Variants in PRIM2 observed in about 807,000 individuals in gnomAD.
PRIM2 encodes DNA primase large subunit.
In PRIM2, 39 loss-of-function variants were observed where a neutral mutation model predicts 67.3. The ratio of observed to expected loss-of-function variants is 0.58; its 90% confidence interval spans 0.45 to 0.76. PRIM2 has a LOEUF of 0.76. Among genes scored for constraint, PRIM2 ranks in the 30% least tolerant of loss-of-function variants. The pLI is 0.00. For synonymous variants in PRIM2, 143 were observed against 198.7 expected (o/e 0.72, Z 2.36); for missense variants, 398 against 598.7 (o/e 0.66, Z 3.50).
At chr6:57,498,432 AT>A (rs1774054453) in intron 7 of PRIM2, among the ~76,000 whole-genome samples, 1 of 152,130 alleles carries the variant, frequency 6.6e-6, no homozygotes, top group African/African-American at 2.4e-5. Context: ...GTTCTTTGTC[AT>A]TTTACATAAT....
chr6:57,358,582 T>C (rs4445060), intron 5 of PRIM2, among the ~76,000 whole-genome samples: 1 of 152,224 alleles, frequency 6.6e-6, no homozygotes, highest in Admixed American at 6.5e-5. Flanking sequence ...GAAGCTTTCA[T>C]GTGGGTTTAA....
In PRIM2 at chr6:57,645,930, G is replaced by A. The variant is rs1227907603; in HGVS notation, c.1302G>A (p.Val434=). The A allele has an allele frequency of 8.5e-5, 128 of 1,505,500 alleles. No homozygotes were observed. Among genetic ancestry groups the A allele is most frequent in the Non-Finnish European group, 1.1e-4 (119 of 1,083,380 alleles). 93.3% of individuals were successfully genotyped at this position (1,505,500 alleles called of 1,614,324 possible). A position where few individuals can be genotyped will look rare whatever the true frequency, so the allele number is the denominator to read the frequency against. The part of the protein sequence containing the change: ...CQKYFEMIHN[V]DDCGFSLNHP... ...ATATAAATTTCCTTCCTTTACAGGT[G>A]GATGATTGTGGCTTTTCTTTGAATC... Residue 434 remains valine (V), a splice_region_variant and synonymous_variant, in exon 14 of 14, where the codon GTG becomes GTA. Transcript: ENST00000615550.
intron 7 of PRIM2, among the ~76,000 whole-genome samples, chr6:57,502,081 C>T (rs1774143524): frequency 1.3e-5 from 2 of 152,164 alleles, no homozygotes; most frequent in African/African-American, 4.8e-5. Flanking sequence ...GGAACTATGT[C>T]ATGGTCACTC....
intron 7 of PRIM2, among the ~76,000 whole-genome samples, chr6:57,391,439 C>T (rs559233175): frequency 2.6e-4 from 39 of 151,598 alleles, no homozygotes; most frequent in African/African-American, 9.2e-4. Context: ...AAATTTTTGC[C>T]CATTCCTATG....
the PRIM2 span, among the ~76,000 whole-genome samples, chr6:57,280,644 G>A: frequency 6.6e-6 from 1 of 151,998 alleles, no homozygotes; most frequent in Non-Finnish European, 1.5e-5. Context: ...TGAGTAGCTG[G>A]GATTACAGGC....
the PRIM2 span, among the ~76,000 whole-genome samples, chr6:57,222,972 G>C: frequency 6.6e-6 from 1 of 152,132 alleles, no homozygotes; most frequent in African/African-American, 2.4e-5. Context: ...CGAATACTTA[G>C]GGTGCACGGA....
In PRIM2 at chr6:57,351,771, C is replaced by T. The variant is rs373795077; in HGVS notation, c.459+25726C>T. ...AAATGTTAGGTTGAGTTCAGGAGAT[C>T]GTTGTTGAAAGTATATAATCACAAT... is the stretch of plus-strand genomic sequence containing the variant. On this transcript the variant is annotated intron_variant, in intron 5 of 13. Transcript: ENST00000615550. Among the ~76,000 whole-genome samples the T allele has an allele frequency of 6.6e-3, 996 of 151,966 alleles. 7 individuals carry two copies. Among genetic ancestry groups the T allele is most frequent in the Non-Finnish European group, 1.0e-2 (677 of 67,966 alleles).
intron 9 of PRIM2, among the ~76,000 whole-genome samples, chr6:57,534,413 G>A (rs1177850662): frequency 6.6e-6 from 1 of 152,136 alleles, no homozygotes; most frequent in Non-Finnish European, 1.5e-5. Context: ...GATCCAAGTT[G>A]ATAATTTATC....
At chr6:57,367,696 A>G (rs1769408079) in intron 5 of PRIM2, among the ~76,000 whole-genome samples, 1 of 152,192 alleles carries the variant, frequency 6.6e-6, no homozygotes, top group East Asian at 1.9e-4. Context: ...CTTTACTCAC[A>G]TGCTTGTGCA....
the PRIM2 span, among the ~76,000 whole-genome samples, chr6:57,262,962 G>A: frequency 0.085 from 12,916 of 152,164 alleles, 812 homozygotes; most frequent in East Asian, 0.18. Flanking sequence ...ACTGTGGGAT[G>A]GAAGTGGGAT....
intron 7 of PRIM2, among the ~76,000 whole-genome samples, chr6:57,453,259 T>C (rs985340230): frequency 6.6e-6 from 1 of 152,118 alleles, no homozygotes; most frequent in South Asian, 2.1e-4. Context: ...GGATTCACTT[T>C]GCAATGTGGG....
intron 7 of PRIM2, among the ~76,000 whole-genome samples, chr6:57,439,372 G>A: frequency 6.8e-6 from 1 of 146,418 alleles, no homozygotes; most frequent in Non-Finnish European, 1.5e-5. Context: ...TGAGAGGGTT[G>A]GACTGTCATG....
At chr6:57,412,921 T>C (rs551778713) in intron 7 of PRIM2, among the ~76,000 whole-genome samples, 87 of 152,278 alleles carry the variant, frequency 5.7e-4, no homozygotes, top group African/African-American at 2.0e-3. Context: ...GATAGAGTGA[T>C]ATAGAGTATA....
At chr6:57,413,832 G>A (rs1380319241) in intron 7 of PRIM2, among the ~76,000 whole-genome samples, 1 of 151,956 alleles carries the variant, frequency 6.6e-6, no homozygotes, top group Non-Finnish European at 1.5e-5. Context: ...GTGTATCTTG[G>A]GATTTATGTA....
intron 10 of PRIM2, 104 bp downstream of exon 10, chr6:57,537,729 G>C (rs2127470133): frequency 3.3e-6 from 2 of 599,108 alleles, no homozygotes; most frequent in East Asian, 6.7e-5. Flanking sequence ...CAATGTAGTT[G>C]AAAATTCTAA....
chr6:57,600,279 T>C (rs1233706997), intron 10 of PRIM2, among the ~76,000 whole-genome samples: 2 of 152,066 alleles, frequency 1.3e-5, no homozygotes, highest in Non-Finnish European at 2.9e-5. Context: ...GCAGTTGTAG[T>C]ACTTCATTCA....
intron 7 of PRIM2, among the ~76,000 whole-genome samples, chr6:57,486,487 G>A (rs1431126723): frequency 5.2e-4 from 79 of 152,342 alleles, no homozygotes; most frequent in African/African-American, 1.8e-3. Flanking sequence ...GAAGACCACG[G>A]AAAGCAGATA....
intron 7 of PRIM2, among the ~76,000 whole-genome samples, chr6:57,484,730 T>A (rs1773714794): frequency 6.6e-6 from 1 of 152,180 alleles, no homozygotes; most frequent in African/African-American, 2.4e-5. Context: ...TCCTTCAGTA[T>A]TTTCCCCCTA....
chr6:57,247,275 A>G, the PRIM2 span, among the ~76,000 whole-genome samples: 1 of 152,162 alleles, frequency 6.6e-6, no homozygotes, highest in Non-Finnish European at 1.5e-5. Flanking sequence ...TCTAGGGGTG[A>G]CATTGACTGA....
Sources: allele counts gnomAD v4.1 joint callset (sites outside exome capture counted in the v4.1 genomes callset), GRCh38; gene constraint gnomAD v4.1.1; transcripts MANE v1.5; gene names NCBI Gene and HGNC (gene_info 2026-07-23, HGNC 2026-07-21).